The following DENND1A variants were observed in gnomAD, a reference collection of about 807,000 sequenced individuals.
The protein encoded by DENND1A is DENN domain-containing protein 1A.
A neutral mutation model predicts 113.7 loss-of-function variants in DENND1A; 51 were observed. That is an observed-to-expected ratio of 0.45 (90% CI 0.36 to 0.57). The LOEUF (loss-of-function observed/expected upper bound fraction) is 0.57, where lower values mean the gene tolerates loss of function less well. Ranked by LOEUF, DENND1A falls within the 20% of genes least tolerant of loss-of-function variation. The pLI is 0.00. For missense variants in DENND1A, 1,258 were observed against 1,395.9 expected (o/e 0.90, Z 1.57); for synonymous variants, 565 against 570.8 (o/e 0.99, Z 0.14).
intron 13 of DENND1A, among the ~76,000 whole-genome samples, chr9:123,531,509 C>T (rs2055294845): frequency 6.6e-6 from 1 of 150,938 alleles, no homozygotes; most frequent in South Asian, 2.1e-4. Flanking sequence ...AAAATGTTAA[C>T]AGTTTACCAC....
Position 123,626,220 on chromosome 9 carries a change from G to A in DENND1A, c.719+4156C>T, listed in dbSNP as rs2061206270. ...AGGCTACCTTTTAGAGCACACATCT[G>A]GCGTGTGGTGTGTATGGGCGGGGGG... On this transcript the variant is annotated intron_variant, in intron 10 of 23. Coordinates refer to ENST00000394215, the MANE Select transcript of DENND1A (RefSeq NM_001352964.2). Among the ~76,000 whole-genome samples, 3 of 152,104 alleles carry A rather than the reference G, an allele frequency of 2.0e-5. No individual in the cohort carries two copies. The South Asian group carries it at 6.2e-4, about 32-fold the overall frequency.
At chr9:123,884,778 A>T (rs552418036) in intron 1 of DENND1A, among the ~76,000 whole-genome samples, 50 of 152,140 alleles carry the variant, frequency 3.3e-4, no homozygotes, top group Non-Finnish European at 6.5e-4. Context: ...CTCACAGAGA[A>T]TAAATTGGCC....
intron 5 of DENND1A, among the ~76,000 whole-genome samples, chr9:123,729,346 T>G (rs1448868427): frequency 6.6e-6 from 1 of 152,222 alleles, no homozygotes; most frequent in Middle Eastern, 3.2e-3. Context: ...ATGACATGAT[T>G]GTATATTTAG....
At chr9:123,449,472 T>G (rs1588586412) in intron 18 of DENND1A, among the ~76,000 whole-genome samples, 1 of 150,414 alleles carries the variant, frequency 6.6e-6, no homozygotes. Context: ...GAGGTGGAGG[T>G]TGCAGTGAGC....
At chr9:123,815,381 A>G (rs1054406130) in intron 2 of DENND1A, among the ~76,000 whole-genome samples, 5 of 152,252 alleles carry the variant, frequency 3.3e-5, no homozygotes, top group Non-Finnish European at 5.9e-5. Context: ...ACATCTGACC[A>G]TATAACTGTC....
chr9:123,392,618 A>G (rs958697940), intron 21 of DENND1A, among the ~76,000 whole-genome samples: 3 of 152,118 alleles, frequency 2.0e-5, no homozygotes, highest in African/African-American at 4.8e-5. Flanking sequence ...TAGTCAGGCT[A>G]CCTTGGAAAA....
intron 13 of DENND1A, among the ~76,000 whole-genome samples, chr9:123,525,021 C>A (rs1208027654): frequency 6.6e-6 from 1 of 152,202 alleles, no homozygotes; most frequent in Non-Finnish European, 1.5e-5. Context: ...CTAAGGCGTT[C>A]CATAGCCCTT....
rs532978413 is a variant in DENND1A, at chr9:123,533,292, G to A, written c.993+24278C>T. On this transcript the variant is annotated intron_variant, in intron 13 of 23. Transcript: ENST00000394215. ...AGAATGCTTTTACTCTATTTTCATGGTGGGCTTCTTTCTCCCACCTGGATT... is the reference window on the plus strand; with the variant it reads ...AGAATGCTTTTACTCTATTTTCATGATGGGCTTCTTTCTCCCACCTGGATT... Among the ~76,000 whole-genome samples the A allele has an allele frequency of 6.0e-4, 92 of 152,274 alleles. 1 individual carries two copies. In the Middle Eastern group the frequency reaches 0.017, roughly 28 times the overall value.
chr9:123,875,193 G>T (rs560912268), intron 2 of DENND1A, among the ~76,000 whole-genome samples: 1 of 152,200 alleles, frequency 6.6e-6, no homozygotes, highest in South Asian at 2.1e-4. Context: ...TTTTTTCAAT[G>T]AGGTATACTT....
At chr9:123,915,833 A>G (rs1196158959) in intron 1 of DENND1A, among the ~76,000 whole-genome samples, 1 of 152,184 alleles carries the variant, frequency 6.6e-6, no homozygotes, top group Non-Finnish European at 1.5e-5. Context: ...GTGACCATAT[A>G]TGTTTGTAAC....
intron 19 of DENND1A, among the ~76,000 whole-genome samples, chr9:123,438,225 A>G (rs1475021593): frequency 6.6e-6 from 1 of 152,202 alleles, no homozygotes; most frequent in African/African-American, 2.4e-5. Flanking sequence ...AAAAGACTCA[A>G]GGACAACCTA....
intron 4 of DENND1A, among the ~76,000 whole-genome samples, chr9:123,763,439 T>C (rs1471437235): frequency 6.6e-6 from 1 of 152,072 alleles, no homozygotes; most frequent in African/African-American, 2.4e-5. Context: ...TGGGGGAAGA[T>C]CCAAGAGTTC....
At chr9:123,648,901 A>G (rs2062488865) in intron 9 of DENND1A, among the ~76,000 whole-genome samples, 1 of 152,186 alleles carries the variant, frequency 6.6e-6, no homozygotes, top group Non-Finnish European at 1.5e-5. Flanking sequence ...CTTTTATAAA[A>G]TAAAGAGCCC....
At chr9:123,527,247 C>T (rs1012012347) in intron 13 of DENND1A, among the ~76,000 whole-genome samples, 5 of 152,192 alleles carry the variant, frequency 3.3e-5, no homozygotes, top group African/African-American at 4.8e-5. Context: ...GCCTCCTTGG[C>T]GGCTTCTTTC....
intron 3 of DENND1A, among the ~76,000 whole-genome samples, chr9:123,775,874 C>T (rs1446563523): frequency 6.6e-6 from 1 of 152,160 alleles, no homozygotes; most frequent in Non-Finnish European, 1.5e-5. Flanking sequence ...ATGCTGAATT[C>T]GCTGCTCTCC....
chr9:123,922,315 A>C (rs1361904664), intron 1 of DENND1A, among the ~76,000 whole-genome samples: 1 of 152,194 alleles, frequency 6.6e-6, no homozygotes, highest in Non-Finnish European at 1.5e-5. Flanking sequence ...ACAGTTCCAC[A>C]ATCCAGTGGC....
At chr9:123,909,087 C>T (rs1853451429) in intron 1 of DENND1A, among the ~76,000 whole-genome samples, 1 of 152,010 alleles carries the variant, frequency 6.6e-6, no homozygotes, top group Non-Finnish European at 1.5e-5. Flanking sequence ...TCTCAGTAAA[C>T]TATCGCAAGA....
At chr9:123,606,951 G>A (rs116394653) in intron 11 of DENND1A, among the ~76,000 whole-genome samples, 3 of 152,242 alleles carry the variant, frequency 2.0e-5, no homozygotes, top group African/African-American at 7.2e-5. Context: ...TGCATGCAGA[G>A]GGTTGGGAAT....
rs182626335 is a variant in DENND1A, at chr9:123,881,015, C to T, written c.18-1994G>A. ...TTGTGAATCAGGAATCTACTTATTT[C>T]GGGGGTGTAAAATCGTCATTTCTCC... On this transcript the variant is annotated intron_variant, in intron 1 of 23. Coordinates refer to ENST00000394215, the MANE Select transcript of DENND1A (RefSeq NM_001352964.2). Among the ~76,000 whole-genome samples, 483 of 152,174 alleles carry T rather than the reference C, an allele frequency of 3.2e-3. 2 individuals are homozygous for T. Among genetic ancestry groups the T allele is most frequent in the Admixed American group, 8.9e-3 (136 of 15,292 alleles).
Sources: gnomAD v4.1 joint callset for allele counts (sites outside exome capture counted in the v4.1 genomes callset) on GRCh38, gnomAD v4.1.1 for gene constraint, MANE v1.5 for transcripts, NCBI Gene and HGNC (gene_info 2026-07-23, HGNC 2026-07-21) for gene names.